ASIC2: variants seen among roughly 807,000 people sequenced by gnomAD.
The protein encoded by ASIC2 is acid sensing ion channel subunit 2.
ASIC2 carries 25 observed loss-of-function variants against 57.3 expected under a neutral mutation model. The observed-to-expected ratio is 0.44, with a 90% CI of 0.32 to 0.61. The LOEUF is 0.61. Ranked by LOEUF, ASIC2 falls within the 20% of genes least tolerant of loss-of-function variation. ASIC2 has a pLI of 0.06. For synonymous variants in ASIC2, 319 were observed against 307.5 expected (o/e 1.04, Z -0.39); for missense variants, 641 against 738.1 (o/e 0.87, Z 1.52).
chr17:33,642,387 G>A (rs1203211089), intron 1 of ASIC2, among the ~76,000 whole-genome samples: 1 of 152,208 alleles, frequency 6.6e-6, no homozygotes, highest in Non-Finnish European at 1.5e-5. Context: ...GGGCCCTTGA[G>A]TACCAGGCTA....
intron 4 of ASIC2, among the ~76,000 whole-genome samples, chr17:33,027,135 C>A (rs940796723): frequency 6.6e-6 from 1 of 152,130 alleles, no homozygotes; most frequent in Non-Finnish European, 1.5e-5. Context: ...AGGTCACCCC[C>A]ACATTCACTG....
At chr17:34,015,557 C>T (rs1340245356) in intron 1 of ASIC2, among the ~76,000 whole-genome samples, 1 of 152,208 alleles carries the variant, frequency 6.6e-6, no homozygotes, top group Non-Finnish European at 1.5e-5. Context: ...GAGGCTGCTG[C>T]CTCCTCCCTT....
chr17:33,578,710 C>T (rs1303278414), intron 1 of ASIC2, among the ~76,000 whole-genome samples: 2 of 152,180 alleles, frequency 1.3e-5, no homozygotes, highest in East Asian at 1.9e-4. Flanking sequence ...ACAACTGACC[C>T]GGCTTGACCT....
intron 1 of ASIC2, among the ~76,000 whole-genome samples, chr17:34,063,800 T>C (rs1453134239): frequency 6.6e-6 from 1 of 152,070 alleles, no homozygotes; most frequent in Non-Finnish European, 1.5e-5. Context: ...ATAAAAGACT[T>C]AGGAACATAC....
rs573982562 is a variant in ASIC2 at position 34,059,779 on chromosome 17, G to A, written c.555+96199C>T. On this transcript the variant is annotated intron_variant, in intron 1 of 9. Coordinates refer to the ASIC2 transcript ENST00000359872. ...AGCAGAGGCAGCCATAATCCTCCCCGGTACACAACTCCAGTGACCTGGGAA... is the reference window on the plus strand; with the variant it reads ...AGCAGAGGCAGCCATAATCCTCCCCAGTACACAACTCCAGTGACCTGGGAA... Among the ~76,000 whole-genome samples, 647 of 152,104 alleles carry A rather than the reference G, an allele frequency of 4.3e-3. 2 individuals carry two copies. Among genetic ancestry groups the A allele is most frequent in the Admixed American group, 6.5e-3 (99 of 15,272 alleles).
chr17:33,654,993 C>A (rs141807386), intron 1 of ASIC2, among the ~76,000 whole-genome samples: 2 of 152,242 alleles, frequency 1.3e-5, no homozygotes, highest in Admixed American at 6.5e-5. Flanking sequence ...AAAAAGAAGA[C>A]CTCCTAAGTC....
At chr17:33,822,859 G>T (rs1424614902) in intron 1 of ASIC2, among the ~76,000 whole-genome samples, 1 of 152,154 alleles carries the variant, frequency 6.6e-6, no homozygotes, top group Non-Finnish European at 1.5e-5. Context: ...TTTAGGGCTC[G>T]CTCTGTTGAA....
intron 1 of ASIC2, among the ~76,000 whole-genome samples, chr17:33,664,420 T>G (rs1391991025): frequency 6.6e-6 from 1 of 152,198 alleles, no homozygotes; most frequent in Non-Finnish European, 1.5e-5. Flanking sequence ...TTGGCTTATA[T>G]CAATATGCCC....
intron 1 of ASIC2, among the ~76,000 whole-genome samples, chr17:33,840,684 C>T (rs549794037): frequency 7.3e-4 from 111 of 152,168 alleles, no homozygotes; most frequent in African/African-American, 2.6e-3. Flanking sequence ...TTGTTCAATC[C>T]TATAGGCTAG....
chr17:33,475,546 C>CAT (rs936094277), intron 1 of ASIC2, among the ~76,000 whole-genome samples: 5 of 152,174 alleles, frequency 3.3e-5, no homozygotes, highest in African/African-American at 1.2e-4. Context: ...GTTGGTTGGA[C>CAT]ATAGTCTTAG....
At chr17:34,123,247 GA>G (rs1251587705) in intron 1 of ASIC2, among the ~76,000 whole-genome samples, 1 of 152,018 alleles carries the variant, frequency 6.6e-6, no homozygotes, top group Admixed American at 6.6e-5. Context: ...TCTTCGCCTG[GA>G]TTCTAGGCAG....
intron 1 of ASIC2, among the ~76,000 whole-genome samples, chr17:33,131,977 A>G (rs2092348017): frequency 1.3e-5 from 2 of 152,264 alleles, no homozygotes; most frequent in Admixed American, 1.3e-4. Context: ...AGACAGGAGA[A>G]AACCATCTCC....
intron 1 of ASIC2, among the ~76,000 whole-genome samples, chr17:33,571,064 C>A (rs1916418846): frequency 6.6e-6 from 1 of 152,062 alleles, no homozygotes; most frequent in African/African-American, 2.4e-5. Flanking sequence ...TTCAATTCCC[C>A]ACCTCATCTA....
chr17:33,272,395 G>A (rs1202264758), intron 1 of ASIC2, among the ~76,000 whole-genome samples: 1 of 152,220 alleles, frequency 6.6e-6, no homozygotes, highest in Non-Finnish European at 1.5e-5. Context: ...CTAGCACACA[G>A]TAGGCACTCA....
chr17:33,037,166 T>A (rs2141913269), intron 3 of ASIC2, among the ~76,000 whole-genome samples: 1 of 144,152 alleles, frequency 6.9e-6, no homozygotes. Context: ...TTGGATCCCC[T>A]ACATTGCTCA....
chr17:33,610,720 TA>T lies in ASIC2; in HGVS notation c.556-498654del, dbSNP rs1567668666. On this transcript the variant is annotated intron_variant, in intron 1 of 9. Transcript: ENST00000359872. ...GATTCTGCAATAAATAAATAAAAAATAAATAAATAAATAAATAAATAAAATA... is the reference window on the plus strand; with the variant it reads ...GATTCTGCAATAAATAAATAAAAAATAATAAATAAATAAATAAATAAAATA... 8.3e-3 allele frequency among the ~76,000 whole-genome samples: 1,249 copies of T among 149,952 alleles called. 23 individuals are homozygous for T. Among genetic ancestry groups the T allele is most frequent in the African/African-American group, 0.029 (1,150 of 40,140 alleles).
chr17:34,082,046 T>C (rs1015914876), intron 1 of ASIC2: 1 of 152,218 alleles, frequency 6.6e-6, no homozygotes, highest in Non-Finnish European at 1.5e-5. Flanking sequence ...CTCCTGGTCC[T>C]TTGCTCATGC....
intron 1 of ASIC2, among the ~76,000 whole-genome samples, chr17:33,370,984 G>C (rs1018454875): frequency 6.6e-6 from 1 of 152,112 alleles, no homozygotes; most frequent in African/African-American, 2.4e-5. Context: ...AGTAAGAGGA[G>C]GAACACGCCC....
At chr17:33,962,845 C>T (rs1325563538) in intron 1 of ASIC2, among the ~76,000 whole-genome samples, 5 of 152,072 alleles carry the variant, frequency 3.3e-5, no homozygotes, top group African/African-American at 9.7e-5. Flanking sequence ...GTCTCCCAGC[C>T]CAAACTAATA....
Sources: gnomAD v4.1 joint callset for allele counts (sites outside exome capture counted in the v4.1 genomes callset) on GRCh38, gnomAD v4.1.1 for gene constraint, MANE v1.5 for transcripts, NCBI Gene and HGNC (gene_info 2026-07-23, HGNC 2026-07-21) for gene names.